The following CYTH1 variants were observed in gnomAD, a reference collection of about 807,000 sequenced individuals.
The protein encoded by CYTH1 is cytohesin-1.
CYTH1 carries 18 observed loss-of-function variants against 61.8 expected under a neutral mutation model. The observed-to-expected ratio is 0.29, with a 90% CI of 0.20 to 0.43. The LOEUF is 0.43. Among genes scored for constraint, CYTH1 ranks in the 20% least tolerant of loss-of-function variants. The pLI, the probability that CYTH1 is intolerant of heterozygous loss-of-function variation, is 1.00. For missense variants in CYTH1, 336 were observed against 510.5 expected, an observed-to-expected ratio of 0.66 and a Z score of 3.29; for synonymous variants, 174 against 184.3, an observed-to-expected ratio of 0.94 and a Z score of 0.45.
chr17:78,772,098 ACAAT>A (rs1312687245), intron 1 of CYTH1, among the ~76,000 whole-genome samples: 2 of 152,212 alleles, frequency 1.3e-5, no homozygotes, highest in Non-Finnish European at 2.9e-5. Flanking sequence ...ATAATTAGAG[ACAAT>A]CAAGTAGTGT....
intron 1 of CYTH1, among the ~76,000 whole-genome samples, chr17:78,736,466 A>C (rs567330299): frequency 3.3e-5 from 5 of 151,818 alleles, no homozygotes; most frequent in South Asian, 2.1e-4. Flanking sequence ...ACACACACAC[A>C]CCCGAGAGAG....
chr17:78,711,308 TATATATACACACACAC>T (rs1341295813), intron 1 of CYTH1, among the ~76,000 whole-genome samples: 4 of 138,978 alleles, frequency 2.9e-5, no homozygotes, highest in African/African-American at 1.2e-4. Context: ...AAATAATATA[TATATATACACACACAC>T]ACACACACAC....
At chr17:78,778,545 G>A (rs1567889898) in intron 1 of CYTH1, among the ~76,000 whole-genome samples, 1 of 135,312 alleles carries the variant, frequency 7.4e-6, no homozygotes, top group East Asian at 2.3e-4. Flanking sequence ...GGCTGAGGCA[G>A]AAGAATCACT....
At chr17:78,706,300 C>T (rs1325272659) in intron 3 of CYTH1, among the ~76,000 whole-genome samples, 1 of 151,762 alleles carries the variant, frequency 6.6e-6, no homozygotes, top group East Asian at 1.9e-4. Context: ...CCCACCCCAC[C>T]CCGCCCCAGC....
intron 1 of CYTH1, among the ~76,000 whole-genome samples, chr17:78,721,145 C>G (rs969014676): frequency 2.0e-5 from 3 of 152,090 alleles, no homozygotes; most frequent in East Asian, 3.9e-4. Context: ...GCCTGGCCAA[C>G]GTGGTGAAAC....
At chr17:78,726,396 T>G (rs2093267025) in intron 1 of CYTH1, among the ~76,000 whole-genome samples, 1 of 149,452 alleles carries the variant, frequency 6.7e-6, no homozygotes, top group Non-Finnish European at 1.5e-5. Context: ...TGTCAGTTAC[T>G]GTGGAAGAGG....
intron 11 of CYTH1, among the ~76,000 whole-genome samples, chr17:78,683,129 G>A (rs2092780391): frequency 6.6e-6 from 1 of 152,066 alleles, no homozygotes; most frequent in Non-Finnish European, 1.5e-5. Flanking sequence ...TGAATTTCCA[G>A]GAGGATTTTT....
At chr17:78,734,079 G>A (rs1480675221) in intron 1 of CYTH1, among the ~76,000 whole-genome samples, 2 of 152,016 alleles carry the variant, frequency 1.3e-5, no homozygotes, top group African/African-American at 2.4e-5. Flanking sequence ...GTGAAACCTC[G>A]TCTCTGCAAA....
At chr17:78,705,707 C>T (rs1304348711) in intron 3 of CYTH1, among the ~76,000 whole-genome samples, 3 of 152,194 alleles carry the variant, frequency 2.0e-5, no homozygotes, top group African/African-American at 4.8e-5. Flanking sequence ...GAATCACTTC[C>T]GTCTTGGCGC....
intron 1 of CYTH1, among the ~76,000 whole-genome samples, chr17:78,740,138 G>A (rs1223021072): frequency 6.6e-6 from 1 of 152,158 alleles, no homozygotes; most frequent in Non-Finnish European, 1.5e-5. Context: ...GTTTCACCAT[G>A]TTGGCCAGGC....
intron 11 of CYTH1, among the ~76,000 whole-genome samples, chr17:78,681,711 G>A (rs1598813392): frequency 6.6e-6 from 1 of 152,090 alleles, no homozygotes; most frequent in South Asian, 2.1e-4. Flanking sequence ...CCATGGCCAA[G>A]TCCTAGCACT....
At chr17:78,757,266 A>G (rs540626562) in intron 1 of CYTH1, among the ~76,000 whole-genome samples, 2 of 152,110 alleles carry the variant, frequency 1.3e-5, no homozygotes, top group African/African-American at 2.4e-5. Context: ...TGAATTTTCA[A>G]CATAACTTAA....
chr17:78,762,149 GA>G (rs2093431513), intron 1 of CYTH1, among the ~76,000 whole-genome samples: 1 of 152,218 alleles, frequency 6.6e-6, no homozygotes, highest in African/African-American at 2.4e-5. Flanking sequence ...CTGACAACAG[GA>G]AAAATTATCT....
At chr17:78,746,492 C>T (rs1042173111) in intron 1 of CYTH1, among the ~76,000 whole-genome samples, 6 of 151,980 alleles carry the variant, frequency 3.9e-5, no homozygotes, top group Non-Finnish European at 7.3e-5. Flanking sequence ...GTGCGGCGAC[C>T]GAGTTTCCTA....
intron 1 of CYTH1, chr17:78,727,983 T>C (rs999931975): frequency 3.8e-6 from 1 of 263,754 alleles, no homozygotes; most frequent in Non-Finnish European, 7.8e-6. Context: ...GAGAGGGCAG[T>C]GAGTCCCTGA....
At position 78,734,329 on chromosome 17, in the gene CYTH1, G is replaced by C. The variant is rs1245122722; in HGVS notation, c.23-24597C>G. ...ATAACTTATGGCAGTTAAGAAAATA[G>C]TGCCCAATTAATTAAACTGGTTAAT... On this transcript the variant is annotated intron_variant, in intron 1 of 13. Coordinates refer to ENST00000446868, the MANE Select transcript of CYTH1 (RefSeq NM_004762.6). Among the ~76,000 whole-genome samples the C allele has an allele frequency of 1.0e-4, 15 of 147,494 alleles. No individual in the cohort carries two copies. In the Admixed American group the frequency reaches 1.0e-3, roughly 10 times the overall value.
intron 9 of CYTH1, 101 bp downstream of exon 9, chr17:78,698,168 A>AACACGCACACGCGCAC (rs1018669588): frequency 1.0e-5 from 10 of 983,426 alleles, no homozygotes; most frequent in Non-Finnish European, 1.6e-5. Flanking sequence ...CACACGCACA[A>AACACGCACACGCGCAC]ACACGCACAC....
intron 11 of CYTH1, among the ~76,000 whole-genome samples, chr17:78,690,554 G>A (rs973582548): frequency 6.6e-6 from 1 of 151,778 alleles, no homozygotes; most frequent in Non-Finnish European, 1.5e-5. Context: ...AAAAAAAACG[G>A]ATGTGGTGGC....
intron 1 of CYTH1, among the ~76,000 whole-genome samples, chr17:78,770,713 G>T (rs372270989): frequency 6.6e-6 from 1 of 152,116 alleles, no homozygotes; most frequent in Non-Finnish European, 1.5e-5. Context: ...ACTGAAAATA[G>T]GTTTTTTTAA....
Sources: gnomAD v4.1 joint callset for allele counts (sites outside exome capture counted in the v4.1 genomes callset) on GRCh38, gnomAD v4.1.1 for gene constraint, MANE v1.5 for transcripts, NCBI Gene and HGNC (gene_info 2026-07-23, HGNC 2026-07-21) for gene names.